AZIN2: variants seen among roughly 807,000 people sequenced by gnomAD.
The protein encoded by AZIN2 is ODC antizyme inhibitor-2.
A neutral mutation model predicts 47.8 loss-of-function variants in AZIN2; 28 were observed. That is an observed-to-expected ratio of 0.59 (90% CI 0.43 to 0.80). AZIN2 has a LOEUF of 0.80. AZIN2 is among the 30% of genes least tolerant of loss of function. The probability of loss-of-function intolerance (pLI) is 0.00; values close to 1 mark genes in which losing one functional copy is unlikely to be tolerated. For synonymous variants in AZIN2, 221 were observed against 239.4 expected (o/e 0.92, Z 0.71); for missense variants, 535 against 582.5 (o/e 0.92, Z 0.84).
At chr1:33,111,074 G>A (rs1384457072) in intron 10 of AZIN2, among the ~76,000 whole-genome samples, 1 of 152,220 alleles carries the variant, frequency 6.6e-6, no homozygotes, top group African/African-American at 2.4e-5. Flanking sequence ...CAGCACAGAA[G>A]CAGCCTGCTG....
chr1:33,101,499 T>A (rs934204496), intron 10 of AZIN2, among the ~76,000 whole-genome samples: 17 of 146,300 alleles, frequency 1.2e-4, no homozygotes, highest in Non-Finnish European at 2.4e-4. Context: ...GCCTGGTATT[T>A]TTTTTTTTTT....
intron 10 of AZIN2, among the ~76,000 whole-genome samples, chr1:33,111,614 T>G (rs1027088255): frequency 6.6e-6 from 1 of 152,032 alleles, no homozygotes; most frequent in Non-Finnish European, 1.5e-5. Context: ...ATAATTTTTT[T>G]TTTTTTTTCC....
chr1:33,106,498 A>G (rs957407779), intron 10 of AZIN2, among the ~76,000 whole-genome samples: 4 of 152,198 alleles, frequency 2.6e-5, no homozygotes, highest in African/African-American at 9.6e-5. Flanking sequence ...CAGATATGCA[A>G]AAATCCTCAA....
chr1:33,133,092 A>G, the AZIN2 span, among the ~76,000 whole-genome samples: 1 of 152,184 alleles, frequency 6.6e-6, no homozygotes, highest in African/African-American at 2.4e-5. Context: ...CAGGAGAGAG[A>G]CACTGTGGGG....
At chr1:33,092,558 G>A (rs533270141) in intron 6 of AZIN2, among the ~76,000 whole-genome samples, 2 of 152,310 alleles carry the variant, frequency 1.3e-5, no homozygotes, top group East Asian at 1.9e-4. Context: ...AGAGTCGAGG[G>A]AGTGGTCAGG....
Position 33,084,209 on chromosome 1 carries a change from G to A in AZIN2, c.279+82G>A, listed in dbSNP as rs369219828. On this transcript the variant is annotated intron_variant, in intron 5 of 11. Coordinates refer to ENST00000294517, the MANE Select transcript of AZIN2 (RefSeq NM_052998.4). Reference sequence around the variant, plus strand: ...CCAGGCTAGTCCAGGTGGGCTCTGGGGAGCAAGAGGTACCTGTAGTTGGTC... The same window carrying A: ...CCAGGCTAGTCCAGGTGGGCTCTGGAGAGCAAGAGGTACCTGTAGTTGGTC... 3.9e-6 allele frequency: 6 copies of A among 1,540,500 alleles called. No individual in the cohort carries two copies. The African/African-American group carries it at 8.1e-5, about 21-fold the overall frequency.
At chr1:33,151,462 C>T in the AZIN2 span, among the ~76,000 whole-genome samples, 10 of 152,072 alleles carry the variant, frequency 6.6e-5, no homozygotes, top group African/African-American at 2.2e-4. Flanking sequence ...GCTCCCTCCC[C>T]GAGGCTAGGG....
chr1:33,138,214 G>T, the AZIN2 span, among the ~76,000 whole-genome samples: 1 of 152,182 alleles, frequency 6.6e-6, no homozygotes, highest in Admixed American at 6.5e-5. Context: ...TGGGGGTTAG[G>T]AAAAGTAGGC....
Position 33,113,327 on chromosome 1 carries a change from C to T in AZIN2, c.1030-4575C>T, listed in dbSNP as rs1644372683. Among the ~76,000 whole-genome samples, 1 of 152,102 alleles carries T rather than the reference C, an allele frequency of 6.6e-6. No individual in the cohort carries two copies. The highest frequency in any genetic ancestry group is 6.5e-5 in the Admixed American group (1 of 15,272). On this transcript the variant is annotated intron_variant, in intron 10 of 11. Transcript: ENST00000294517. The surrounding 1 kb of genome is among the most constrained non-coding windows in gnomAD (Gnocchi z 4.1). ...AGTATTACTGTGGCCCAAGTACATC[C>T]AAGAATGTAATAGCTTAATGCTTTC...
downstream of AZIN2, among the ~76,000 whole-genome samples, chr1:33,126,085 A>T (rs925164931): frequency 2.0e-5 from 3 of 152,204 alleles, no homozygotes; most frequent in African/African-American, 7.2e-5. Flanking sequence ...TCCTCCATAG[A>T]TCACTGTCTA....
chr1:33,150,468 A>G, the AZIN2 span, among the ~76,000 whole-genome samples: 1 of 152,246 alleles, frequency 6.6e-6, no homozygotes, highest in Non-Finnish European at 1.5e-5. Context: ...GCCAGGAGTA[A>G]GTTTAGTTTT....
At chr1:33,104,861 G>A in intron 10 of AZIN2, among the ~76,000 whole-genome samples, 1 of 152,066 alleles carries the variant, frequency 6.6e-6, no homozygotes, top group Non-Finnish European at 1.5e-5. Context: ...ACTATGCCTG[G>A]CTAATTTTTG....
chr1:33,092,209 C>T lies in AZIN2; in HGVS notation c.439C>T (p.His147Tyr). ...GGAGCTGGCAAAGGTGGTAAAGAGC[C>T]ACCCCAGTGCCAAGTAAGCTGAGAA... is the stretch of plus-strand genomic sequence containing the variant. The part of the protein sequence containing the change: ...EMELAKVVKS[H>Y]PSAKMVLCIA... Residue 147 changes from histidine (H) to tyrosine (Y), a missense_variant, in exon 6 of 12, where the codon CAC becomes TAC. Physicochemically the swap from His to Tyr is moderately conservative, Grantham distance 83 (BLOSUM62 2). Coordinates refer to ENST00000294517, the MANE Select transcript of AZIN2 (RefSeq NM_052998.4). 2 of 1,613,930 alleles carry T rather than the reference C, an allele frequency of 1.2e-6. No homozygotes were observed. The highest frequency in any genetic ancestry group is 1.7e-6 in the Non-Finnish European group (2 of 1,179,912).
chr1:33,092,032 A>G lies in AZIN2; in HGVS notation c.280-18A>G. The G allele has an allele frequency of 6.2e-7, 1 of 1,608,432 alleles. No homozygotes were observed. The highest frequency in any genetic ancestry group is 1.1e-5 in the South Asian group (1 of 90,456). ...CAGGCCCTGGTGCCTCCTTACAACC[A>G]CCTTTGGGGCCCCATAGGCAGAGAT... On this transcript the variant is annotated intron_variant, in intron 5 of 11. Transcript: ENST00000294517.
At chr1:33,127,252 C>T (rs1049644994), downstream of AZIN2, among the ~76,000 whole-genome samples, 1 of 152,242 alleles carries the variant, frequency 6.6e-6, no homozygotes, top group Non-Finnish European at 1.5e-5. Flanking sequence ...CTTCCAGCCA[C>T]CGGAACCCCC....
At position 33,092,093 on chromosome 1, in the gene AZIN2, A is replaced by T; in HGVS notation, c.323A>T (p.Lys108Met). The T allele has an allele frequency of 6.2e-7, 1 of 1,614,204 alleles. No individual in the cohort carries two copies. Among genetic ancestry groups the T allele is most frequent in the Non-Finnish European group, 8.5e-7 (1 of 1,180,026 alleles). The change falls in exon 6 of 12, where the codon AAG becomes ATG. Residue 108 changes from lysine (K) to methionine (M), a missense_variant. By Grantham distance (95) the Lys-to-Met change is moderately conservative. Coordinates refer to ENST00000294517, the MANE Select transcript of AZIN2 (RefSeq NM_052998.4). The part of the protein sequence containing the change: ...LVQHIGIPAS[K>M]IICANPCKQI... ...CAGCATATTGGAATCCCTGCCAGTAAGATCATCTGCGCCAACCCCTGTAAG... is the reference window on the plus strand; with the variant it reads ...CAGCATATTGGAATCCCTGCCAGTATGATCATCTGCGCCAACCCCTGTAAG...
chr1:33,138,283 A>C, the AZIN2 span, among the ~76,000 whole-genome samples: 1 of 152,164 alleles, frequency 6.6e-6, no homozygotes, highest in Non-Finnish European at 1.5e-5. Context: ...ACTAACATGG[A>C]ATAACAATCT....
At chr1:33,165,614 C>T in the AZIN2 span, 1 of 1,523,316 alleles carries the variant, frequency 6.6e-7, no homozygotes, top group Non-Finnish European at 8.9e-7. This position sits in a 1 kb window ranked among gnomAD's most constrained non-coding sequence, Gnocchi z 4.0. Flanking sequence ...ATGCCTGGCC[C>T]AGGCATTCAG....
the AZIN2 span, chr1:33,165,343 T>G: frequency 2.5e-6 from 2 of 803,846 alleles, no homozygotes; most frequent in Non-Finnish European, 1.9e-6. This position sits in a 1 kb window ranked among gnomAD's most constrained non-coding sequence, Gnocchi z 4.0. Context: ...TCACTCCAGG[T>G]TTGGCTCCTT....
Sources: allele counts gnomAD v4.1 joint callset (sites outside exome capture counted in the v4.1 genomes callset), GRCh38; gene constraint gnomAD v4.1.1; non-coding constraint Gnocchi (gnomAD v3.1); transcripts MANE v1.5; gene names NCBI Gene and HGNC (gene_info 2026-07-23, HGNC 2026-07-21).